Variants in PDE4D observed in about 807,000 individuals in gnomAD.
PDE4D encodes 3',5'-cyclic-AMP phosphodiesterase 4D.
A neutral mutation model predicts 87.4 loss-of-function variants in PDE4D; 24 were observed. The ratio of observed to expected loss-of-function variants is 0.27; its 90% CI spans 0.20 to 0.39. The LOEUF (loss-of-function observed/expected upper bound fraction) is 0.39. PDE4D is among the 10% of genes least tolerant of loss of function. The pLI, the probability that PDE4D is intolerant of heterozygous loss-of-function variation, is 1.00. For synonymous variants in PDE4D, 384 were observed against 383.2 expected, an observed-to-expected ratio of 1.00 and a Z score of -0.02; for missense variants, 714 against 1,041.0, an observed-to-expected ratio of 0.69 and a Z score of 4.32.
chr5:59,842,494 T>C (rs1743164022), intron 1 of PDE4D, among the ~76,000 whole-genome samples: 1 of 152,092 alleles, frequency 6.6e-6, no homozygotes, highest in Non-Finnish European at 1.5e-5. Context: ...GATTTTCATA[T>C]GTTAATATTT....
At chr5:60,186,980 G>A (rs193164701) in intron 1 of PDE4D, among the ~76,000 whole-genome samples, 24 of 152,248 alleles carry the variant, frequency 1.6e-4, no homozygotes, top group East Asian at 1.9e-4. Flanking sequence ...GACACTTTGC[G>A]GGAGGTAAGA....
intron 5 of PDE4D, among the ~76,000 whole-genome samples, chr5:59,116,340 C>G (rs567614534): frequency 6.6e-6 from 1 of 152,048 alleles, no homozygotes; most frequent in Non-Finnish European, 1.5e-5. Context: ...TATTGTATGA[C>G]GATGATACAA....
Position 59,985,148 on chromosome 5 carries a change from TTTTA to T in PDE4D, c.272+3336_272+3339del, listed in dbSNP as rs1175315670. On this transcript the variant is annotated intron_variant, in intron 3 of 16. Coordinates refer to the PDE4D transcript ENST00000502484. ...CGTTTTTTGTTTTTTGTTTTTTGTT[TTTTA>T]TTTTGAGACAGAGTCTCACTCTGTC... Among the ~76,000 whole-genome samples the T allele has an allele frequency of 1.5e-4, 19 of 126,856 alleles. 2 individuals are homozygous for T. The highest frequency in any genetic ancestry group is 1.5e-3 in the East Asian group (4 of 2,734). The allele number at this position is 126,856 out of a possible 152,430, so 83.2% of individuals were successfully genotyped here. A position where few individuals can be genotyped will look rare whatever the true frequency, so the allele number is the denominator to read the frequency against.
intron 2 of PDE4D, among the ~76,000 whole-genome samples, chr5:59,195,339 C>G (rs559446048): frequency 6.6e-6 from 1 of 152,242 alleles, no homozygotes; most frequent in East Asian, 1.9e-4. Context: ...AGGGTAGGAG[C>G]AGGCCTGGTG....
chr5:60,086,027 G>T (rs1774485343), intron 2 of PDE4D, among the ~76,000 whole-genome samples: 1 of 152,024 alleles, frequency 6.6e-6, no homozygotes, highest in Non-Finnish European at 1.5e-5. Flanking sequence ...GTAAAAAAAT[G>T]GCATCTATTT....
At chr5:59,769,436 T>C (rs1325125572) in intron 1 of PDE4D, among the ~76,000 whole-genome samples, 6 of 152,238 alleles carry the variant, frequency 3.9e-5, no homozygotes, top group African/African-American at 1.4e-4. Flanking sequence ...ATTTGTGATA[T>C]ATACAATTTT....
chr5:60,005,409 T>C (rs1466448787), intron 2 of PDE4D, among the ~76,000 whole-genome samples: 3 of 152,056 alleles, frequency 2.0e-5, no homozygotes, highest in African/African-American at 7.2e-5. Flanking sequence ...ATAATAATAC[T>C]GTATTGTTTA....
chr5:59,334,247 G>GTTTTTTTTT (rs564248041), intron 1 of PDE4D, among the ~76,000 whole-genome samples: 5 of 98,634 alleles, frequency 5.1e-5, no homozygotes, highest in Non-Finnish European at 7.8e-5. Context: ...ATCCAGTGGA[G>GTTTTTTTTT]TTTTTTTTTT....
intron 5 of PDE4D, among the ~76,000 whole-genome samples, chr5:59,067,159 T>C (rs1170204922): frequency 1.4e-5 from 2 of 146,792 alleles, no homozygotes; most frequent in African/African-American, 2.5e-5. Context: ...GGATTACAGG[T>C]GCTTGTGACC....
intron 1 of PDE4D, among the ~76,000 whole-genome samples, chr5:60,339,836 C>A (rs1583466953): frequency 6.6e-6 from 1 of 152,242 alleles, no homozygotes; most frequent in Admixed American, 6.5e-5. Flanking sequence ...CTTCCACAAA[C>A]TAGCTGCCTA....
chr5:59,775,431 G>A (rs1200947132), intron 1 of PDE4D, among the ~76,000 whole-genome samples: 3 of 152,062 alleles, frequency 2.0e-5, no homozygotes, highest in Non-Finnish European at 4.4e-5. Flanking sequence ...ATTATTACAT[G>A]TTTTGATCAT....
intron 5 of PDE4D, among the ~76,000 whole-genome samples, chr5:59,079,105 T>C (rs1580686918): frequency 6.6e-6 from 1 of 152,154 alleles, no homozygotes; most frequent in Admixed American, 6.5e-5. Context: ...AGTATTCTGT[T>C]AGAGCAGCAC....
intron 1 of PDE4D, among the ~76,000 whole-genome samples, chr5:60,380,983 C>T (rs777744108): frequency 5.3e-5 from 8 of 152,176 alleles, no homozygotes; most frequent in Non-Finnish European, 1.2e-4. Flanking sequence ...ATCTAGGTGG[C>T]TCAAGCCCTG....
chr5:60,355,768 GA>G (rs1462094755), intron 1 of PDE4D, among the ~76,000 whole-genome samples: 3 of 151,766 alleles, frequency 2.0e-5, no homozygotes, highest in Non-Finnish European at 4.4e-5. Flanking sequence ...AAATCATAAG[GA>G]AAAGAAAATA....
chr5:60,350,168 G>A (rs1759058649), intron 1 of PDE4D, among the ~76,000 whole-genome samples: 1 of 152,092 alleles, frequency 6.6e-6, no homozygotes, highest in African/African-American at 2.4e-5. Flanking sequence ...GAACAACTTG[G>A]CTACAACCCA....
At chr5:60,468,759 C>G (rs532149131) in intron 1 of PDE4D, among the ~76,000 whole-genome samples, 2 of 152,166 alleles carry the variant, frequency 1.3e-5, no homozygotes, top group African/African-American at 4.8e-5. Context: ...CTCCTGGACT[C>G]AAGCAATCCT....
intron 1 of PDE4D, among the ~76,000 whole-genome samples, chr5:59,771,495 GAGAGAAGA>G (rs1359397049): frequency 2.7e-4 from 8 of 29,894 alleles, no homozygotes; most frequent in African/African-American, 6.3e-4. Context: ...GAGAGAGAGA[GAGAGAAGA>G]AAGAAAGAAA....
chr5:59,624,838 G>C (rs1268063194), intron 1 of PDE4D, among the ~76,000 whole-genome samples: 2 of 152,114 alleles, frequency 1.3e-5, no homozygotes, highest in African/African-American at 2.4e-5. Flanking sequence ...ATGTGACCAA[G>C]CTTTTTGGCT....
chr5:59,219,840 TA>T (rs1483978535), intron 1 of PDE4D, among the ~76,000 whole-genome samples: 12 of 152,142 alleles, frequency 7.9e-5, no homozygotes, highest in Admixed American at 2.0e-4. Context: ...GAAGGAGAGT[TA>T]AAAAATGTCC....
Sources: allele counts gnomAD v4.1 joint callset (sites outside exome capture counted in the v4.1 genomes callset), GRCh38; gene constraint gnomAD v4.1.1; transcripts MANE v1.5; gene names NCBI Gene and HGNC (gene_info 2026-07-23, HGNC 2026-07-21).